Variants in TANC2 observed in about 807,000 individuals in gnomAD.
TANC2 encodes tetratricopeptide repeat, ankyrin repeat and coiled-coil containing 2.
Under a neutral mutation model 210.5 loss-of-function variants are expected in TANC2, and 26 were observed. That is an observed-to-expected ratio of 0.12 (90% CI 0.09 to 0.17). TANC2 has a LOEUF of 0.17. Among genes scored for constraint, TANC2 ranks in the 10% least tolerant of loss-of-function variants. The probability of loss-of-function intolerance (pLI) is 1.00; values close to 1 mark genes in which losing one functional copy is unlikely to be tolerated. For synonymous variants in TANC2, 931 were observed against 967.1 expected (o/e 0.96, Z 0.69); for missense variants, 2,129 against 2,608.9 (o/e 0.82, Z 4.01).
chr17:63,105,079 A>G lies in TANC2; in HGVS notation c.322+5722A>G, dbSNP rs559101965. Among the ~76,000 whole-genome samples the G allele has an allele frequency of 4.4e-4, 67 of 151,850 alleles. 2 individuals carry two copies. The highest frequency in any genetic ancestry group is 1.5e-3 in the African/African-American group (63 of 41,144). ...ATTGAGTGTTTATCAGCTATGTCAA[A>G]TATGTGTTCTGAGCTTTTGCAAGGT... On this transcript the variant is annotated intron_variant, in intron 4 of 27. Transcript: ENST00000689528.
intron 1 of TANC2, among the ~76,000 whole-genome samples, chr17:63,005,945 T>TGTGTGTGA (rs1491386047): frequency 7.2e-6 from 1 of 139,450 alleles, no homozygotes; most frequent in Non-Finnish European, 1.6e-5. Context: ...TGTGTGTGTG[T>TGTGTGTGA]GAAGAGTTTT....
intron 6 of TANC2, among the ~76,000 whole-genome samples, chr17:63,194,427 T>C (rs2041278018): frequency 6.6e-6 from 1 of 152,214 alleles, no homozygotes; most frequent in Non-Finnish European, 1.5e-5. Flanking sequence ...TATACATTCT[T>C]TTCAAGTGCA....
chr17:63,371,009 G>T (rs138312864), intron 14 of TANC2, among the ~76,000 whole-genome samples: 3 of 152,094 alleles, frequency 2.0e-5, no homozygotes, highest in Admixed American at 1.3e-4. Flanking sequence ...GTCTCACTAG[G>T]TCTCTTTAAA....
intron 2 of TANC2, among the ~76,000 whole-genome samples, chr17:63,065,220 G>T (rs2144578232): frequency 6.6e-6 from 1 of 152,288 alleles, no homozygotes. Flanking sequence ...GCAAATGACA[G>T]AATTTTCTTC....
chr17:63,017,831 C>T (rs1462845580), intron 2 of TANC2, among the ~76,000 whole-genome samples: 1 of 152,054 alleles, frequency 6.6e-6, no homozygotes, highest in African/African-American at 2.4e-5. Context: ...CGAGTAATTA[C>T]TAGAACTTGT....
chr17:63,087,534 G>A (rs2037019944), intron 3 of TANC2, among the ~76,000 whole-genome samples: 1 of 152,066 alleles, frequency 6.6e-6, no homozygotes, highest in South Asian at 2.1e-4. Context: ...GTTAAGCTCT[G>A]GGAAAATAAT....
chr17:63,359,688 A>T (rs2046900261), intron 14 of TANC2, among the ~76,000 whole-genome samples: 1 of 152,170 alleles, frequency 6.6e-6, no homozygotes, highest in African/African-American at 2.4e-5. Flanking sequence ...AGATACAAGA[A>T]GCTTGTTGTG....
At chr17:63,304,032 A>T (rs2044813904) in intron 9 of TANC2, among the ~76,000 whole-genome samples, 1 of 152,034 alleles carries the variant, frequency 6.6e-6, no homozygotes, top group Non-Finnish European at 1.5e-5. Context: ...GGGTTAGAAC[A>T]TGCTACTTTA....
At chr17:63,137,986 G>A (rs1213947751) in intron 4 of TANC2, among the ~76,000 whole-genome samples, 1 of 152,038 alleles carries the variant, frequency 6.6e-6, no homozygotes, top group Non-Finnish European at 1.5e-5. Context: ...TTTTTCCTGG[G>A]CATATGGGTA....
intron 1 of TANC2, among the ~76,000 whole-genome samples, chr17:62,971,127 C>T (rs1483533707): frequency 6.6e-6 from 1 of 151,570 alleles, no homozygotes; most frequent in Non-Finnish European, 1.5e-5. Flanking sequence ...CTTTGAATAG[C>T]GTCTTTTGTA....
chr17:63,197,988 A>G (rs1567807058), intron 6 of TANC2, among the ~76,000 whole-genome samples: 1 of 152,214 alleles, frequency 6.6e-6, no homozygotes, highest in East Asian at 1.9e-4. Context: ...TAAAGCTTTT[A>G]AGATACACAT....
At chr17:63,389,918 G>A (rs2047910679) in intron 17 of TANC2, 1 of 268,134 alleles carries the variant, frequency 3.7e-6, no homozygotes, top group Admixed American at 5.1e-5. Context: ...ACACCTGCAG[G>A]CTCTAAGCCT....
intron 2 of TANC2, among the ~76,000 whole-genome samples, chr17:63,046,953 G>C (rs1177125584): frequency 6.6e-6 from 1 of 152,016 alleles, no homozygotes; most frequent in African/African-American, 2.4e-5. Flanking sequence ...TTTTTTCTTG[G>C]AAGTGAAATG....
chr17:63,234,935 A>AT (rs2042579385), intron 7 of TANC2, among the ~76,000 whole-genome samples: 5 of 152,236 alleles, frequency 3.3e-5, no homozygotes, highest in Admixed American at 2.0e-4. Context: ...ACTGTATCTC[A>AT]TGGTACAATT....
intron 7 of TANC2, among the ~76,000 whole-genome samples, chr17:63,219,628 C>G (rs1295288885): frequency 2.6e-5 from 4 of 152,104 alleles, no homozygotes; most frequent in Non-Finnish European, 5.9e-5. Context: ...GTCGGTTGTT[C>G]TTGAACTCCT....
chr17:63,219,473 T>C (rs145429524), intron 7 of TANC2, among the ~76,000 whole-genome samples: 7 of 152,326 alleles, frequency 4.6e-5, no homozygotes, highest in Non-Finnish European at 1.0e-4. Flanking sequence ...ATACATTCAG[T>C]GCAATCCCAA....
At chr17:63,410,628 G>A (rs1332292559) in intron 21 of TANC2, among the ~76,000 whole-genome samples, 2 of 151,972 alleles carry the variant, frequency 1.3e-5, no homozygotes, top group Non-Finnish European at 2.9e-5. Context: ...AGTGAGGGCC[G>A]AGGCAGGTGG....
At chr17:63,265,141 C>G (rs2043484710) in intron 8 of TANC2, among the ~76,000 whole-genome samples, 1 of 152,200 alleles carries the variant, frequency 6.6e-6, no homozygotes, top group South Asian at 2.1e-4. Context: ...GAATCAGTTA[C>G]AGGTTGAGTA....
At chr17:63,195,485 A>C (rs1484002298) in intron 6 of TANC2, among the ~76,000 whole-genome samples, 3 of 152,064 alleles carry the variant, frequency 2.0e-5, no homozygotes, top group Non-Finnish European at 4.4e-5. Flanking sequence ...CCTTCTCACT[A>C]TTCCCACTGC....
Sources: gnomAD v4.1 joint callset for allele counts (sites outside exome capture counted in the v4.1 genomes callset) on GRCh38, gnomAD v4.1.1 for gene constraint, MANE v1.5 for transcripts, NCBI Gene and HGNC (gene_info 2026-07-23, HGNC 2026-07-21) for gene names.